The following ABHD18 variants were observed in gnomAD, a reference collection of about 807,000 sequenced individuals.
ABHD18 encodes abhydrolase domain containing 18.
A neutral mutation model predicts 65.9 loss-of-function variants in ABHD18; 55 were observed. That is an observed-to-expected ratio of 0.84 (90% CI 0.67 to 1.05). ABHD18 has a LOEUF of 1.05. Ranked by LOEUF, ABHD18 falls within the 50% of genes least tolerant of loss-of-function variation. ABHD18 has a pLI of 0.00. For missense variants in ABHD18, 533 were observed against 558.5 expected (o/e 0.95, Z 0.46); for synonymous variants, 181 against 180.2 (o/e 1.00, Z -0.04).
chr4:128,016,901 G>A (rs987985638), intron 7 of ABHD18, among the ~76,000 whole-genome samples: 5 of 152,128 alleles, frequency 3.3e-5, no homozygotes, highest in South Asian at 2.1e-4. Context: ...TCCAATGTTA[G>A]CAGCTGTGTA....
chr4:128,025,761 T>C (rs1015536823), intron 10 of ABHD18, among the ~76,000 whole-genome samples: 2 of 152,210 alleles, frequency 1.3e-5, no homozygotes, highest in African/African-American at 4.8e-5. Context: ...AAATTCAGTG[T>C]GTTATCAAAC....
intron 1 of ABHD18, among the ~76,000 whole-genome samples, chr4:127,970,127 C>G (rs1254399591): frequency 6.6e-6 from 1 of 152,032 alleles, no homozygotes; most frequent in Non-Finnish European, 1.5e-5. Flanking sequence ...AAGCAATCCT[C>G]CCTCCTCAGC....
intron 1 of ABHD18, among the ~76,000 whole-genome samples, chr4:127,980,825 CAAAA>C (rs768450115): frequency 4.3e-5 from 2 of 46,550 alleles, no homozygotes; most frequent in East Asian, 6.7e-4. Context: ...GACTGCATCT[CAAAA>C]AAAAAAAAAA....
rs188676570 is a variant in ABHD18, at chr4:128,020,458, G to A, written c.699+289G>A. The stretch of plus-strand genomic sequence containing the variant: ...CTTAATTCTTCCAACAATAATTATT[G>A]ACAATAAGTGCAAAGTGCTGTCCAT... On this transcript the variant is annotated intron_variant, in intron 9 of 12. Transcript: ENST00000645843. 2.0e-4 allele frequency among the ~76,000 whole-genome samples: 31 copies of A among 152,248 alleles called. 1 individual carries two copies. Among genetic ancestry groups the A allele is most frequent in the Admixed American group, 1.9e-3 (29 of 15,272 alleles).
intron 8 of ABHD18, among the ~76,000 whole-genome samples, chr4:128,018,222 T>C (rs532003314): frequency 6.6e-6 from 1 of 152,290 alleles, no homozygotes; most frequent in South Asian, 2.1e-4. Context: ...TAGCAGTCTG[T>C]TTTCTCCATG....
At chr4:127,974,193 T>G (rs12233767) in intron 1 of ABHD18, among the ~76,000 whole-genome samples, 63,621 of 123,454 alleles carry the variant, frequency 0.52, 17,353 homozygotes, top group Middle Eastern at 0.79. Flanking sequence ...GTTCTGTTTT[T>G]TTTTTTTTTT....
intron 1 of ABHD18, among the ~76,000 whole-genome samples, chr4:127,975,431 A>C (rs1275001627): frequency 3.3e-5 from 5 of 152,192 alleles, no homozygotes; most frequent in African/African-American, 1.2e-4. Context: ...GACTAATTTC[A>C]CTTAGCGTAA....
At chr4:128,029,606 T>C (rs918905703) in intron 11 of ABHD18, among the ~76,000 whole-genome samples, 11 of 152,128 alleles carry the variant, frequency 7.2e-5, no homozygotes, top group Non-Finnish European at 1.5e-5. Flanking sequence ...GGTGGATCAC[T>C]TGAGGTCAGG....
rs1280216286 is a variant in ABHD18 at position 128,028,682 on chromosome 4, A to G, written c.1009A>G (p.Met337Val). 6 of 1,613,960 alleles carry G rather than the reference A, an allele frequency of 3.7e-6. No individual in the cohort carries two copies. Among genetic ancestry groups the G allele is most frequent in the African/African-American group, 1.3e-5 (1 of 75,062 alleles). Reference sequence around the variant, plus strand: ...ACTCTTATTGCAAGATACCTCTAAGATGAAGCGCTTCAATCAAACACTTTC... The same window carrying G: ...ACTCTTATTGCAAGATACCTCTAAGGTGAAGCGCTTCAATCAAACACTTTC... ...EGLLLQDTSK[M>V]KRFNQTLSTN... Residue 337 changes from methionine to valine, a missense_variant, in exon 11 of 13, where the codon ATG (methionine) becomes GTG (valine). Physicochemically the swap from Met to Val is conservative, Grantham distance 21 (BLOSUM62 1). Coordinates refer to ENST00000645843, the MANE Select transcript of ABHD18 (RefSeq NM_001358451.3).
At chr4:127,998,179 A>G (rs1355911981) in intron 4 of ABHD18, among the ~76,000 whole-genome samples, 2 of 150,224 alleles carry the variant, frequency 1.3e-5, no homozygotes, top group Non-Finnish European at 3.0e-5. Context: ...ATGAGCCACC[A>G]TGCCCAGCTT....
intron 1 of ABHD18, among the ~76,000 whole-genome samples, chr4:127,968,324 A>T (rs529035929): frequency 6.6e-6 from 1 of 152,388 alleles, no homozygotes; most frequent in African/African-American, 2.4e-5. Context: ...AACAGTGGAT[A>T]TCTGAGGTAT....
In ABHD18 at chr4:128,028,520, A is replaced by G. The variant is rs767921744; in HGVS notation, c.847A>G (p.Ser283Gly). The G allele has an allele frequency of 6.2e-7, 1 of 1,602,254 alleles. No homozygotes were observed. The highest frequency in any genetic ancestry group is 8.5e-7 in the Non-Finnish European group (1 of 1,175,072). ...MGQEFVKHFT[S>G]SADKLTNLNL... ...ACAAGAGTTTGTGAAACACTTCACT[A>G]GCAGTGCAGACAAGCTAACTAACCT... Residue 283 changes from serine to glycine, a missense_variant, in exon 11 of 13, where the codon AGC (serine) becomes GGC (glycine). Coordinates refer to ENST00000645843, the MANE Select transcript of ABHD18 (RefSeq NM_001358451.3).
intron 11 of ABHD18, among the ~76,000 whole-genome samples, 194 bp downstream of exon 11, chr4:128,029,047 A>C (rs986783459): frequency 3.9e-5 from 6 of 152,126 alleles, no homozygotes; most frequent in Admixed American, 1.3e-4. Flanking sequence ...AGATTATCTT[A>C]TTCATTAAGA....
chr4:128,014,631 A>C (rs1755168194), intron 7 of ABHD18, among the ~76,000 whole-genome samples: 1 of 152,198 alleles, frequency 6.6e-6, no homozygotes, highest in Admixed American at 6.5e-5. Context: ...AATTCATCAT[A>C]AGAAATGGCT....
At chr4:127,986,281 T>C (rs1246439518) in intron 3 of ABHD18, among the ~76,000 whole-genome samples, 2 of 152,218 alleles carry the variant, frequency 1.3e-5, no homozygotes, top group Non-Finnish European at 2.9e-5. Context: ...TATGTAACTT[T>C]TTTTGTCTGG....
intron 4 of ABHD18, among the ~76,000 whole-genome samples, chr4:127,993,610 A>C (rs1751284293): frequency 6.6e-6 from 1 of 152,216 alleles, no homozygotes; most frequent in African/African-American, 2.4e-5. Context: ...AATGAGTGTT[A>C]ACCACTATTT....
intron 4 of ABHD18, among the ~76,000 whole-genome samples, chr4:128,004,171 GC>G (rs1753191366): frequency 6.6e-6 from 1 of 151,938 alleles, no homozygotes; most frequent in African/African-American, 2.4e-5. Context: ...ATGAGGCTCA[GC>G]CGGGCACAGT....
At position 128,017,451 on chromosome 4, in the gene ABHD18, A is replaced by C. The variant is rs368418121; in HGVS notation, c.559A>C (p.Arg187=). 2.6e-5 allele frequency: 42 copies of C among 1,613,676 alleles called. No homozygotes were observed. In the Admixed American group the frequency reaches 7.0e-4, roughly 27 times the overall value. ...ESAALLHWLE[R]EGYGPLGMTG... ...TGCAGCTCTCTTGCACTGGCTAGAG[A>C]GGGAAGGTTACGGCCCTTTAGGAAT... Residue 187 remains arginine, a synonymous_variant, in exon 8 of 13, where the codon AGG becomes CGG. Coordinates refer to ENST00000645843, the MANE Select transcript of ABHD18 (RefSeq NM_001358451.3).
chr4:128,029,747 C>T (rs1757941808), intron 11 of ABHD18, among the ~76,000 whole-genome samples: 1 of 152,104 alleles, frequency 6.6e-6, no homozygotes, highest in South Asian at 2.1e-4. Context: ...ATCATTTGAA[C>T]CCGGGAGGTG....
Sources: gnomAD v4.1 joint callset for allele counts (sites outside exome capture counted in the v4.1 genomes callset) on GRCh38, gnomAD v4.1.1 for gene constraint, MANE v1.5 for transcripts, NCBI Gene and HGNC (gene_info 2026-07-23, HGNC 2026-07-21) for gene names.